Variants in TMEM132E observed in about 807,000 individuals in gnomAD.
The protein encoded by TMEM132E is transmembrane protein 132E.
A neutral mutation model predicts 78.5 loss-of-function variants in TMEM132E; 49 were observed. The ratio of observed to expected loss-of-function variants is 0.62; its 90% CI spans 0.50 to 0.79. The LOEUF is 0.79. TMEM132E is among the 30% of genes least tolerant of loss of function. TMEM132E has a pLI of 0.00. For missense variants in TMEM132E, 1,403 were observed against 1,470.9 expected (o/e 0.95, Z 0.75); for synonymous variants, 715 against 670.6 (o/e 1.07, Z -1.02).
At chr17:34,588,984 C>T (rs1000860810) in intron 1 of TMEM132E, among the ~76,000 whole-genome samples, 1 of 152,194 alleles carries the variant, frequency 6.6e-6, no homozygotes, top group African/African-American at 2.4e-5. Flanking sequence ...GAACTCCTGA[C>T]TTCAGGTGAT....
intron 7 of TMEM132E, 145 bp from the exon 8 acceptor site, chr17:34,635,862 C>A: frequency 1.3e-6 from 1 of 747,730 alleles, no homozygotes; most frequent in Non-Finnish European, 1.9e-6. Flanking sequence ...AGACCTGAGG[C>A]AGAGCTGCGA....
In TMEM132E at chr17:34,626,513, G is replaced by T; in HGVS notation, c.454G>T (p.Asp152Tyr). Reference protein sequence around the residue: ...VQVLFYVAGRDWDDFGVTERL... With the variant: ...VQVLFYVAGRYWDDFGVTERL... Reference sequence around the variant, plus strand: ...GGTGCTGTTCTACGTAGCCGGCCGGGACTGGGACGACTTCGGCGTCACCGA... The same window carrying T: ...GGTGCTGTTCTACGTAGCCGGCCGGTACTGGGACGACTTCGGCGTCACCGA... The change falls in exon 2 of 9, where the codon GAC becomes TAC. Residue 152 changes from aspartate (D) to tyrosine (Y), a missense_variant. This residue lies in a region of TMEM132E where 511 missense variants were observed against 499.0 expected (regional missense o/e 1.02). Coordinates refer to ENST00000631683, the MANE Select transcript of TMEM132E (RefSeq NM_001304438.2). The T allele has an allele frequency of 6.2e-7, 1 of 1,607,408 alleles. No homozygotes were observed. Among genetic ancestry groups the T allele is most frequent in the Non-Finnish European group, 8.5e-7 (1 of 1,178,814 alleles).
intron 1 of TMEM132E, among the ~76,000 whole-genome samples, chr17:34,586,847 T>C (rs1000720062): frequency 2.6e-5 from 4 of 151,538 alleles, no homozygotes; most frequent in Non-Finnish European, 4.4e-5. Flanking sequence ...TTGAAGAAAA[T>C]CTCTTTTTGC....
intron 3 of TMEM132E, 103 bp downstream of exon 3, chr17:34,628,812 C>A: frequency 7.0e-7 from 1 of 1,432,018 alleles, no homozygotes; most frequent in Non-Finnish European, 9.2e-7. Flanking sequence ...AGGGCTGGGG[C>A]TCGGTCATTG....
chr17:34,632,290 A>G (rs2142084668), intron 5 of TMEM132E, among the ~76,000 whole-genome samples: 1 of 152,038 alleles, frequency 6.6e-6, no homozygotes, highest in Non-Finnish European at 1.5e-5. Flanking sequence ...TCAAGTGCCC[A>G]TGTCCTTTTT....
intron 7 of TMEM132E, chr17:34,635,793 G>A (rs1001379353): frequency 9.9e-6 from 4 of 405,132 alleles, no homozygotes; most frequent in Admixed American, 8.9e-5. Context: ...TTGTGTTCCC[G>A]CCTGGCTCCT....
intron 1 of TMEM132E, among the ~76,000 whole-genome samples, chr17:34,590,300 C>G (rs56023582): frequency 0.051 from 7,810 of 151,690 alleles, 313 homozygotes; most frequent in East Asian, 0.22. Flanking sequence ...TGGCTTGGTC[C>G]CGACACTCAT....
chr17:34,637,399 C>G lies in TMEM132E; in HGVS notation c.2392C>G (p.Arg798Gly), dbSNP rs776615502. Residue 798 changes from arginine (R) to glycine (G), a missense_variant, in exon 9 of 9, where the codon CGC (arginine) becomes GGC (glycine). By Grantham distance (125) the Arg-to-Gly change is moderately radical (BLOSUM62 -2). This residue lies in a region of TMEM132E where 888 missense variants were observed against 952.8 expected (regional missense o/e 0.93). Transcript: ENST00000631683. The part of the protein sequence containing the change: ...TIAESCQKTK[R>G]KSVLATTPVG... ...CGCTGAGAGCTGCCAGAAAACCAAACGCAAGAGTGTGCTCGCCACGACCCC... is the reference window on the plus strand; with the variant it reads ...CGCTGAGAGCTGCCAGAAAACCAAAGGCAAGAGTGTGCTCGCCACGACCCC... The G allele has an allele frequency of 1.2e-6, 2 of 1,613,760 alleles. No homozygotes were observed. Among genetic ancestry groups the G allele is most frequent in the Non-Finnish European group, 1.7e-6 (2 of 1,180,048 alleles).
intron 1 of TMEM132E, among the ~76,000 whole-genome samples, chr17:34,594,333 G>T (rs1327892080): frequency 6.6e-6 from 1 of 152,224 alleles, no homozygotes; most frequent in Non-Finnish European, 1.5e-5. Context: ...TGGGTGGCAT[G>T]ATTGGCAGTA....
intron 1 of TMEM132E, among the ~76,000 whole-genome samples, chr17:34,622,596 C>A (rs1277018296): frequency 6.6e-6 from 1 of 152,186 alleles, no homozygotes; most frequent in Non-Finnish European, 1.5e-5. Context: ...TGCCAGGAGC[C>A]CTCCCCTCAG....
intron 1 of TMEM132E, among the ~76,000 whole-genome samples, chr17:34,582,514 AG>A (rs34545022): frequency 0.82 from 124,663 of 151,242 alleles, 51,470 homozygotes; most frequent in Non-Finnish European, 0.84. Context: ...AGGTAACACC[AG>A]GGGGGGTTGT....
intron 8 of TMEM132E, 150 bp from the exon 9 acceptor site, chr17:34,637,027 C>T (rs576448357): frequency 2.4e-5 from 17 of 697,606 alleles, no homozygotes; most frequent in Admixed American, 8.4e-5. Context: ...CCTGAATGCC[C>T]GCCACAGGTC....
chr17:34,585,783 T>C (rs1905651433), intron 1 of TMEM132E, among the ~76,000 whole-genome samples: 1 of 152,216 alleles, frequency 6.6e-6, no homozygotes, highest in Non-Finnish European at 1.5e-5. Context: ...CCTTACCAAG[T>C]GCTATGAAAG....
intron 1 of TMEM132E, among the ~76,000 whole-genome samples, chr17:34,606,340 T>C (rs1293935114): frequency 6.6e-6 from 1 of 152,072 alleles, no homozygotes; most frequent in Non-Finnish European, 1.5e-5. Context: ...AGAGCGAAAC[T>C]CCATCTCAAA....
intron 1 of TMEM132E, among the ~76,000 whole-genome samples, chr17:34,609,718 T>C (rs557712468): frequency 6.6e-6 from 1 of 152,306 alleles, no homozygotes; most frequent in Admixed American, 6.5e-5. Context: ...AAGTATAGGA[T>C]CTATTATTTT....
At chr17:34,636,278 C>G in intron 8 of TMEM132E, 80 bp downstream of exon 8, 2 of 1,282,664 alleles carry the variant, frequency 1.6e-6, no homozygotes, top group Non-Finnish European at 2.0e-6. Context: ...GCCCTAGCAC[C>G]AAGAGTCCCC....
rs1408763750 is a variant in TMEM132E, at chr17:34,626,183, G to A, written c.124G>A (p.Val42Met). The A allele has an allele frequency of 6.4e-7, 1 of 1,564,960 alleles. No homozygotes were observed. Among genetic ancestry groups the A allele is most frequent in the South Asian group, 1.2e-5 (1 of 85,400 alleles). Residue 42 changes from valine to methionine, a missense_variant, in exon 2 of 9, where the codon GTG becomes ATG. Transcript: ENST00000631683. ...CCCGCCGGGGCCGCAGGCCAGCCCG[G>A]TGCTGCCAGTCAGCTACCGCCTGTC... is the stretch of plus-strand genomic sequence containing the variant. ...PSPPGPQASP[V>M]LPVSYRLSHT...
chr17:34,631,115 C>T (rs1907333069), intron 5 of TMEM132E, among the ~76,000 whole-genome samples: 1 of 152,208 alleles, frequency 6.6e-6, no homozygotes, highest in Admixed American at 6.5e-5. Flanking sequence ...TGAAGGAAAG[C>T]AGGACAGTTG....
At chr17:34,618,369 T>G (rs969923734) in intron 1 of TMEM132E, among the ~76,000 whole-genome samples, 1 of 151,804 alleles carries the variant, frequency 6.6e-6, no homozygotes, top group African/African-American at 2.4e-5. Flanking sequence ...TCCCAAGTAG[T>G]TGGGACCACA....
Sources: allele counts gnomAD v4.1 joint callset (sites outside exome capture counted in the v4.1 genomes callset), GRCh38; gene constraint gnomAD v4.1.1; regional missense constraint gnomAD v4.1.1; transcripts MANE v1.5; gene names NCBI Gene and HGNC (gene_info 2026-07-23, HGNC 2026-07-21).